RBM11: variants seen among roughly 807,000 people sequenced by gnomAD.
RBM11 encodes splicing regulator RBM11.
Under a neutral mutation model 21.4 loss-of-function variants are expected in RBM11, and 18 were observed. That is an observed-to-expected ratio of 0.84 (90% CI 0.58 to 1.25). The LOEUF is 1.25. Ranked by LOEUF, RBM11 falls within the 50% of genes most tolerant of loss-of-function variation. The pLI, the probability that RBM11 is intolerant of heterozygous loss-of-function variation, is 0.00. For synonymous variants in RBM11, 120 were observed against 116.3 expected (o/e 1.03, Z -0.20); for missense variants, 294 against 331.9 (o/e 0.89, Z 0.89).
chr21:14,219,609 A>G lies in RBM11; in HGVS notation c.143A>G (p.Lys48Arg). ...KVTICKDREG[K>R]PKSFGFVCFK... ...ACTATATGCAAAGACAGAGAAGGAA[A>G]GCCAAAGTCTTTTGGATTTGTCTGC... Residue 48 changes from lysine (K) to arginine (R), a missense_variant, in exon 2 of 5, where the codon AAG (lysine) becomes AGG (arginine). Physicochemically the swap from Lys to Arg is conservative, Grantham distance 26. This residue lies in a region of RBM11 where 181 missense variants were observed against 164.6 expected (regional missense o/e 1.10). Coordinates refer to ENST00000400577, the MANE Select transcript of RBM11 (RefSeq NM_144770.5). 6.3e-7 allele frequency: 1 copy of G among 1,593,658 alleles called. No homozygotes were observed. The highest frequency in any genetic ancestry group is 8.6e-7 in the Non-Finnish European group (1 of 1,166,378).
intron 3 of RBM11, among the ~76,000 whole-genome samples, chr21:14,222,927 CAT>C (rs1978795110): frequency 6.6e-6 from 1 of 152,226 alleles, no homozygotes; most frequent in Non-Finnish European, 1.5e-5. Flanking sequence ...TATCTAGACT[CAT>C]GTGTCGAGCC....
At chr21:14,226,611 C>A (rs1979104061) in intron 4 of RBM11, among the ~76,000 whole-genome samples, 1 of 124,478 alleles carries the variant, frequency 8.0e-6, no homozygotes, top group Non-Finnish European at 1.7e-5. Flanking sequence ...CAAAGTGAGA[C>A]CCTGTCTCAA....
intron 2 of RBM11, among the ~76,000 whole-genome samples, chr21:14,220,271 AACTTCTCCTGC>A (rs746732618): frequency 4.6e-5 from 7 of 152,154 alleles, no homozygotes; most frequent in Non-Finnish European, 7.4e-5. Context: ...TGGCCTCAAC[AACTTCTCCTGC>A]ACGCATATCA....
intron 3 of RBM11, among the ~76,000 whole-genome samples, chr21:14,222,579 T>C (rs1978765194): frequency 6.6e-6 from 1 of 152,200 alleles, no homozygotes; most frequent in Non-Finnish European, 1.5e-5. Context: ...GCTCCTCATC[T>C]TCATTCACCC....
intron 3 of RBM11, among the ~76,000 whole-genome samples, chr21:14,221,745 C>T (rs1213465206): frequency 6.6e-6 from 1 of 152,110 alleles, no homozygotes; most frequent in Non-Finnish European, 1.5e-5. Context: ...GCTCCCACAC[C>T]AAATGAAAAT....
chr21:14,216,252 G>C lies in RBM11; in HGVS notation c.66G>C (p.Arg22=). The change falls in exon 1 of 5, where the codon CGG becomes CGC. Residue 22 remains arginine, a synonymous_variant. Transcript: ENST00000400577. ...TTGGGAATTTAGAGGCCCGAGTTCG[G>C]GAAGAGATTCTGTACGAGCTGTTCC... ...VFVGNLEARV[R]EEILYELFLQ... 6 of 1,613,820 alleles carry C rather than the reference G, an allele frequency of 3.7e-6. No homozygotes were observed. Among genetic ancestry groups the C allele is most frequent in the Non-Finnish European group, 5.1e-6 (6 of 1,179,802 alleles).
intron 1 of RBM11, among the ~76,000 whole-genome samples, chr21:14,219,217 C>G (rs1978453209): frequency 6.6e-6 from 1 of 152,122 alleles, no homozygotes; most frequent in Non-Finnish European, 1.5e-5. Context: ...TTGAATTCAA[C>G]ACTGTGAATG....
At chr21:14,220,228 TTAG>T (rs1978549840) in intron 2 of RBM11, among the ~76,000 whole-genome samples, 1 of 152,128 alleles carries the variant, frequency 6.6e-6, no homozygotes, top group African/African-American at 2.4e-5. Flanking sequence ...AGAGTTACCC[TTAG>T]TAGTGGCGGA....
intron 3 of RBM11, 126 bp downstream of exon 3, chr21:14,221,295 CT>C (rs1437224794): frequency 3.1e-5 from 35 of 1,133,552 alleles, no homozygotes; most frequent in Middle Eastern, 3.1e-4. Flanking sequence ...TAAGGAATAT[CT>C]TTTTTTTCCG....
intron 1 of RBM11, 79 bp from the exon 2 acceptor site, chr21:14,219,484 G>T: frequency 9.1e-7 from 1 of 1,102,024 alleles, no homozygotes; most frequent in Non-Finnish European, 1.3e-6. Flanking sequence ...CATTTCTTTA[G>T]TCTAAAGTTG....
intron 3 of RBM11, among the ~76,000 whole-genome samples, chr21:14,222,195 TATATC>T (rs1978725632): frequency 6.6e-6 from 1 of 152,222 alleles, no homozygotes; most frequent in Admixed American, 6.5e-5. Context: ...TATGTTCTGA[TATATC>T]ATATAGATGT....
chr21:14,216,169 T>C lies in RBM11; in HGVS notation c.-18T>C. On this transcript the variant is annotated 5_prime_UTR_variant, in exon 1 of 5. Transcript: ENST00000400577. ...CGGGGTCTCAGCTCCTACTTCATTC[T>C]ACGGCCGAGACCGGAGGATGTTCCC... 1 of 1,607,180 alleles carries C rather than the reference T, an allele frequency of 6.2e-7. No individual in the cohort carries two copies. Among genetic ancestry groups the C allele is most frequent in the East Asian group, 2.2e-5 (1 of 44,684 alleles).
rs1309494841 is a variant in RBM11 at position 14,228,067 on chromosome 21, A to T, written c.*774A>T. The T allele has an allele frequency of 1.3e-5, 2 of 152,206 alleles. No homozygotes were observed. Among genetic ancestry groups the T allele is most frequent in the South Asian group, 2.1e-4 (1 of 4,836 alleles). 9.4% of individuals were successfully genotyped at this position (152,206 alleles called of 1,614,324 possible). On this transcript the variant is annotated 3_prime_UTR_variant, in exon 5 of 5. Coordinates refer to ENST00000400577, the MANE Select transcript of RBM11 (RefSeq NM_144770.5). The stretch of plus-strand genomic sequence containing the variant: ...TTTAAATCATGAAAATGAGCAAGTA[A>T]ATAGAATAATATTTTATTAATGTAT...
At position 14,227,334 on chromosome 21, in the gene RBM11, C is replaced by T. The variant is rs1269989690; in HGVS notation, c.*41C>T. On this transcript the variant is annotated 3_prime_UTR_variant, in exon 5 of 5. Coordinates refer to ENST00000400577, the MANE Select transcript of RBM11 (RefSeq NM_144770.5). Reference sequence around the variant, plus strand: ...AAACTTACCTACACTGATCTTAGTTCTCTTATGAAAAAAATAAGATGTTAT... The same window carrying T: ...AAACTTACCTACACTGATCTTAGTTTTCTTATGAAAAAAATAAGATGTTAT... The T allele has an allele frequency of 6.6e-7, 1 of 1,521,744 alleles. No homozygotes were observed. Among genetic ancestry groups the T allele is most frequent in the Admixed American group, 2.2e-5 (1 of 46,408 alleles). The allele number at this position is 1,521,744 out of a possible 1,614,324, so 94.3% of individuals were successfully genotyped here. A position where few individuals can be genotyped will look rare whatever the true frequency, so the allele number is the denominator to read the frequency against.
intron 1 of RBM11, among the ~76,000 whole-genome samples, chr21:14,219,255 C>T (rs1978456939): frequency 6.6e-6 from 1 of 152,082 alleles, no homozygotes; most frequent in East Asian, 1.9e-4. Context: ...GTATTTTAAT[C>T]TTAGATTTAT....
At position 14,228,094 on chromosome 21, in the gene RBM11, A is replaced by G. The variant is rs1979262040; in HGVS notation, c.*801A>G. ...TAGAATAATATTTTATTAATGTATG[A>G]TATGTAATACTTATTGTCTAAATCA... On this transcript the variant is annotated 3_prime_UTR_variant, in exon 5 of 5. Coordinates refer to ENST00000400577, the MANE Select transcript of RBM11 (RefSeq NM_144770.5). The G allele has an allele frequency of 6.6e-6, 1 of 152,168 alleles. No homozygotes were observed. The highest frequency in any genetic ancestry group is 2.4e-5 in the African/African-American group (1 of 41,458). 9.4% of individuals were successfully genotyped at this position (152,168 alleles called of 1,614,324 possible). A position where few individuals can be genotyped will look rare whatever the true frequency, so the allele number is the denominator to read the frequency against.
chr21:14,227,454 G>A lies in RBM11; in HGVS notation c.*161G>A, dbSNP rs922454028. 7 of 736,508 alleles carry A rather than the reference G, an allele frequency of 9.5e-6. No individual in the cohort carries two copies. The highest frequency in any genetic ancestry group is 7.2e-5 in the South Asian group (3 of 41,690). 45.6% of individuals were successfully genotyped at this position (736,508 alleles called of 1,614,324 possible). A position where few individuals can be genotyped will look rare whatever the true frequency, so the allele number is the denominator to read the frequency against. ...TTGCTGTTCAATTTTTGCCTTGAAC[G>A]ACAAAAGCTTTCTAAAAATAGTATA... On this transcript the variant is annotated 3_prime_UTR_variant, in exon 5 of 5. Coordinates refer to ENST00000400577, the MANE Select transcript of RBM11 (RefSeq NM_144770.5).
In RBM11 at chr21:14,219,669, C is replaced by T; in HGVS notation, c.203C>T (p.Ala68Val). ...CCAGAATCGGTGTCTTATGCCATAGCTTTGCTGAATGGAATTCGTTTATAT... is the reference window on the plus strand; with the variant it reads ...CCAGAATCGGTGTCTTATGCCATAGTTTTGCTGAATGGAATTCGTTTATAT... ...KHPESVSYAI[A>V]LLNGIRLYGR... is the part of the protein sequence containing the mutation. The change falls in exon 2 of 5, where the codon GCT (alanine) becomes GTT (valine). Residue 68 changes from alanine (A) to valine (V), a missense_variant. Physicochemically the swap from Ala to Val is moderately conservative, Grantham distance 64. This residue lies in a region of RBM11 where 181 missense variants were observed against 164.6 expected (regional missense o/e 1.10). Transcript: ENST00000400577. The T allele has an allele frequency of 6.2e-7, 1 of 1,608,942 alleles. No individual in the cohort carries two copies. Among genetic ancestry groups the T allele is most frequent in the Non-Finnish European group, 8.5e-7 (1 of 1,176,558 alleles).
intron 4 of RBM11, among the ~76,000 whole-genome samples, chr21:14,226,113 A>C (rs1228438836): frequency 6.6e-6 from 1 of 152,146 alleles, no homozygotes; most frequent in Non-Finnish European, 1.5e-5. Context: ...TTTTCAATAA[A>C]AATTTAGCAT....
Sources: allele counts gnomAD v4.1 joint callset (sites outside exome capture counted in the v4.1 genomes callset), GRCh38; gene constraint gnomAD v4.1.1; regional missense constraint gnomAD v4.1.1; transcripts MANE v1.5; gene names NCBI Gene and HGNC (gene_info 2026-07-23, HGNC 2026-07-21).